SULT1A1: variants seen among roughly 807,000 people sequenced by gnomAD.
The protein encoded by SULT1A1 is sulfotransferase family 1A member 1.
In SULT1A1, 35 loss-of-function variants were observed where a neutral mutation model predicts 36.8. The ratio of observed to expected loss-of-function variants is 0.95; its 90% CI spans 0.73 to 1.26. SULT1A1 has a LOEUF of 1.26. Ranked by LOEUF, SULT1A1 falls within the 50% of genes most tolerant of loss-of-function variation. SULT1A1 has a pLI of 0.00. For missense variants in SULT1A1, 309 were observed against 383.0 expected (o/e 0.81, Z 1.61); for synonymous variants, 119 against 146.0 (o/e 0.82, Z 1.33).
At chr16:28,606,388 G>A in intron 6 of SULT1A1, 152 bp from the exon 7 acceptor site, 1 of 1,415,220 alleles carries the variant, frequency 7.1e-7, no homozygotes, top group East Asian at 2.4e-5. Context: ...CCAGTCCCGG[G>A]GGTAAAAAGA....
rs2047179839 is a variant in SULT1A1, at chr16:28,606,242, C to G, written c.595-6G>C. The G allele has an allele frequency of 6.2e-7, 1 of 1,610,586 alleles. No homozygotes were observed. On this transcript the variant is annotated splice_polypyrimidine_tract_variant and splice_region_variant and intron_variant, in intron 6 of 7. Coordinates refer to ENST00000314752, the MANE Select transcript of SULT1A1 (RefSeq NM_001055.4). ...TGAATCTCCCTTTTCGGGTTCTGAG[C>G]AGCAGAGGGCCCCTCAGTGGAGGCT...
chr16:28,617,829 C>G lies in SULT1A1; in HGVS notation c.138+2234G>C, dbSNP rs1009545630. Among the ~76,000 whole-genome samples, 17 of 147,500 alleles carry G rather than the reference C, an allele frequency of 1.2e-4. No individual in the cohort carries two copies. In the Middle Eastern group the frequency reaches 0.01, roughly 89 times the overall value. ...ACAGGTGTGAGTTGTCGTGCCCGGC[C>G]GACAATTTCTTATCACAAGAAATCT... On this transcript the variant is annotated intron_variant, in intron 2 of 5. Transcript: ENST00000350842.
chr16:28,610,059 G>C (rs1296092527), upstream of SULT1A1: 3 of 1,285,454 alleles, frequency 2.3e-6, no homozygotes, highest in African/African-American at 4.6e-5. Flanking sequence ...GGGATCTGGA[G>C]CCGGGGCTGG....
chr16:28,608,617 G>A lies in SULT1A1; in HGVS notation c.149-14C>T. 1 of 1,611,720 alleles carries A rather than the reference G, an allele frequency of 6.2e-7. No homozygotes were observed. Among genetic ancestry groups the A allele is most frequent in the Middle Eastern group, 1.7e-4 (1 of 6,036 alleles). ...CCCAGGTAGTGCCTGGAGAGGGAGGGAGATGGGAGGTGAGCAGGCTGAGGG... is the reference window on the plus strand; with the variant it reads ...CCCAGGTAGTGCCTGGAGAGGGAGGAAGATGGGAGGTGAGCAGGCTGAGGG... On this transcript the variant is annotated splice_polypyrimidine_tract_variant and intron_variant, in intron 2 of 7. Coordinates refer to ENST00000314752, the MANE Select transcript of SULT1A1 (RefSeq NM_001055.4).
chr16:28,608,281 C>T lies in SULT1A1; in HGVS notation c.372+10G>A, dbSNP rs774799041. 1.9e-5 allele frequency: 31 copies of T among 1,611,852 alleles called. No individual in the cohort carries two copies. The highest frequency in any genetic ancestry group is 1.7e-4 in the Middle Eastern group (1 of 6,044). On this transcript the variant is annotated intron_variant, in intron 4 of 7. Transcript: ENST00000314752. ...GGATTATGGATGTGAAACACTGTGCCCTGCCTCACCTTGACCTTCTGATCC... is the reference window on the plus strand; with the variant it reads ...GGATTATGGATGTGAAACACTGTGCTCTGCCTCACCTTGACCTTCTGATCC...
chr16:28,619,949 A>C (rs35642136), intron 2 of SULT1A1: 2 of 892,864 alleles, frequency 2.2e-6, no homozygotes, highest in Admixed American at 3.0e-5. Flanking sequence ...ACATATATAC[A>C]CAAAAAGTTA....
intron 2 of SULT1A1, among the ~76,000 whole-genome samples, chr16:28,615,713 GTTA>G (rs1307159230): frequency 6.6e-6 from 1 of 152,180 alleles, no homozygotes; most frequent in African/African-American, 2.4e-5. Flanking sequence ...GGGCTGCGCT[GTTA>G]TTTATTGGAT....
At chr16:28,617,864 A>G (rs1017648621) in intron 2 of SULT1A1, among the ~76,000 whole-genome samples, 9 of 151,860 alleles carry the variant, frequency 5.9e-5, no homozygotes, top group African/African-American at 9.7e-5. Context: ...TTCCCAAAAA[A>G]TCTCCAAATG....
In SULT1A1 at chr16:28,608,359, G is replaced by C. The variant is rs776228272; in HGVS notation, c.304C>G (p.Pro102Ala). 34 of 1,612,244 alleles carry C rather than the reference G, an allele frequency of 2.1e-5. 1 individual carries two copies. In the South Asian group the frequency reaches 3.4e-4, roughly 16 times the overall value. Residue 102 changes from proline (P) to alanine (A), a missense_variant, in exon 4 of 8, where the codon CCA becomes GCA. Physicochemically the swap from Pro to Ala is conservative, Grantham distance 27. Coordinates refer to ENST00000314752, the MANE Select transcript of SULT1A1 (RefSeq NM_001055.4). ...GGCAGGTGTGTCTTCAGGAGTCGTGGGGCCGGTGTGTCTTTCAGAGTCTCC... is the reference window on the plus strand; with the variant it reads ...GGCAGGTGTGTCTTCAGGAGTCGTGCGGCCGGTGTGTCTTTCAGAGTCTCC... ...GMETLKDTPA[P>A]RLLKTHLPLA...
rs1395080685 is a variant in SULT1A1, at chr16:28,605,720, C to A, written c.*101G>T. ...GCCTCCAAATTGCTGGGATTACAGACATGACCTACCGTCCCGGGCCCTCAA... is the reference window on the plus strand; with the variant it reads ...GCCTCCAAATTGCTGGGATTACAGAAATGACCTACCGTCCCGGGCCCTCAA... On this transcript the variant is annotated 3_prime_UTR_variant, in exon 8 of 8. Coordinates refer to ENST00000314752, the MANE Select transcript of SULT1A1 (RefSeq NM_001055.4). 1.2e-5 allele frequency: 18 copies of A among 1,563,974 alleles called. No individual in the cohort carries two copies. The highest frequency in any genetic ancestry group is 1.6e-5 in the Non-Finnish European group (18 of 1,149,918).
intron 1 of SULT1A1, chr16:28,609,672 C>A: frequency 2.5e-6 from 1 of 393,844 alleles, no homozygotes; most frequent in Non-Finnish European, 4.6e-6. Context: ...GCAAGAGAAT[C>A]ACTTGAGCCC....
At chr16:28,610,059 GC>G (rs1440917031), upstream of SULT1A1, 51 of 1,285,440 alleles carry the variant, frequency 4.0e-5, no homozygotes, top group Middle Eastern at 6.4e-4. Flanking sequence ...GGGATCTGGA[GC>G]CGGGGCTGGA....
upstream of SULT1A1, chr16:28,610,523 C>T: frequency 3.3e-6 from 1 of 304,844 alleles, no homozygotes; most frequent in Non-Finnish European, 6.4e-6. Context: ...GCACTCCAGG[C>T]TCTGACCACA....
chr16:28,606,194 G>A lies in SULT1A1; in HGVS notation c.637C>T (p.Arg213Cys), dbSNP rs1232887612. 47 of 1,611,524 alleles carry A rather than the reference G, an allele frequency of 2.9e-5. 1 individual carries two copies. Among genetic ancestry groups the A allele is most frequent in the South Asian group, 1.8e-4 (16 of 90,988 alleles). Reference protein sequence around the residue: ...EIQKILEFVGRSLPEETVDFV... With the variant: ...EIQKILEFVGCSLPEETVDFV... ...TCCACGGTCTCCTCTGGCAGGGAGC[G>A]CCCCACAAACTCCAGGATCTTTTGA... is the stretch of plus-strand genomic sequence containing the variant. Residue 213 changes from arginine to cysteine, a missense_variant, in exon 7 of 8, where the codon CGC becomes TGC. This residue lies in a region of SULT1A1 where 67 missense variants were observed against 122.0 expected (regional missense o/e 0.55). Transcript: ENST00000314752.
In SULT1A1 at chr16:28,605,890, A is replaced by G. The variant is rs779804329; in HGVS notation, c.819T>C (p.Asn273=). The G allele has an allele frequency of 6.8e-6, 11 of 1,609,294 alleles. No homozygotes were observed. The highest frequency in any genetic ancestry group is 1.3e-5 in the African/African-American group (1 of 74,770). The part of the protein sequence containing the change: ...DWKTTFTVAQ[N]ERFDADYAEK... ...CCGCATAGTCCGCATCGAAGCGCTCATTCTGCGCCACGGTGAAGGTGGTCT... is the reference window on the plus strand; with the variant it reads ...CCGCATAGTCCGCATCGAAGCGCTCGTTCTGCGCCACGGTGAAGGTGGTCT... The change falls in exon 8 of 8, where the codon AAT becomes AAC. Residue 273 remains asparagine, a synonymous_variant. Transcript: ENST00000314752.
At chr16:28,609,693 G>T in intron 1 of SULT1A1, 1 of 429,528 alleles carries the variant, frequency 2.3e-6, no homozygotes, top group Non-Finnish European at 4.0e-6. Context: ...AGGAATTCAA[G>T]GCTGCAGTGG....
intron 6 of SULT1A1, 108 bp downstream of exon 6, chr16:28,606,653 T>G (rs4149390): frequency 0.37 from 554,434 of 1,494,836 alleles, 100,943 homozygotes; most frequent in Admixed American, 0.46. Context: ...GGGAATCTGG[T>G]CCTGCTGTGG....
exon 1 of SULT1A1, chr16:28,623,209 C>T: frequency 2.6e-6 from 4 of 1,546,746 alleles, no homozygotes; most frequent in Non-Finnish European, 3.5e-6. Context: ...GCGCGCGGCG[C>T]TCGGCCCGGG....
intron 4 of SULT1A1, chr16:28,607,414 AAG>A: frequency 3.3e-6 from 1 of 306,912 alleles, no homozygotes; most frequent in Non-Finnish European, 6.3e-6. Flanking sequence ...GTCTACACTG[AAG>A]AGTCTTACGT....
Sources: gnomAD v4.1 joint callset for allele counts (sites outside exome capture counted in the v4.1 genomes callset) on GRCh38, gnomAD v4.1.1 for gene constraint, gnomAD v4.1.1 regional missense constraint, MANE v1.5 for transcripts, NCBI Gene and HGNC (gene_info 2026-07-23, HGNC 2026-07-21) for gene names.